The following PCCB variants were observed in gnomAD, a reference collection of about 807,000 sequenced individuals.
The protein encoded by PCCB is propionyl-CoA carboxylase subunit beta.
PCCB carries 43 observed loss-of-function variants against 60.7 expected under a neutral mutation model. The observed-to-expected ratio is 0.71, with a 90% CI of 0.55 to 0.91. The LOEUF (loss-of-function observed/expected upper bound fraction) is 0.91. Ranked by LOEUF, PCCB falls within the 40% of genes least tolerant of loss-of-function variation. The probability of loss-of-function intolerance (pLI) is 0.00; values close to 1 mark genes in which losing one functional copy is unlikely to be tolerated. For missense variants in PCCB, 766 were observed against 702.8 expected (o/e 1.09, Z -1.02); for synonymous variants, 276 against 255.9 (o/e 1.08, Z -0.75).
At position 136,250,370 on chromosome 3, in the gene PCCB, GC is replaced by G; in HGVS notation, c.-5del. The stretch of plus-strand genomic sequence containing the variant: ...CGCCGGTAGGGGACGCGCCGGCACA[GC>G]AAAAATGGCGGCGGCATTACGGGTG... On this transcript the variant is annotated 5_prime_UTR_variant, in exon 1 of 15. Transcript: ENST00000251654. 6.6e-7 allele frequency: 1 copy of G among 1,521,108 alleles called. No individual in the cohort carries two copies. Among genetic ancestry groups the G allele is most frequent in the Non-Finnish European group, 8.8e-7 (1 of 1,130,232 alleles). 94.2% of individuals were successfully genotyped at this position (1,521,108 alleles called of 1,614,324 possible).
At chr3:136,327,433 G>A (rs1485542317) in intron 12 of PCCB, among the ~76,000 whole-genome samples, 178 bp downstream of exon 12, 1 of 152,220 alleles carries the variant, frequency 6.6e-6, no homozygotes, top group South Asian at 2.1e-4. Context: ...TTTAACACAG[G>A]GGAACTGAAG....
chr3:136,326,957 A>C (rs1935336415), intron 11 of PCCB, 47 bp downstream of exon 11: 2 of 1,293,014 alleles, frequency 1.5e-6, no homozygotes, highest in Non-Finnish European at 2.3e-6. Flanking sequence ...CTTTCCCAGT[A>C]AGGTGCCCAC....
intron 10 of PCCB, among the ~76,000 whole-genome samples, chr3:136,317,891 A>G (rs1283886634): frequency 6.6e-6 from 1 of 151,982 alleles, no homozygotes; most frequent in Non-Finnish European, 1.5e-5. Context: ...TCTGGGAGGG[A>G]TTGGGAGTGC....
chr3:136,308,009 T>TA (rs1934510366), intron 9 of PCCB, among the ~76,000 whole-genome samples: 2 of 151,202 alleles, frequency 1.3e-5, no homozygotes, highest in Admixed American at 1.3e-4. Context: ...AATATGATAG[T>TA]AAAAAAGTGT....
At chr3:136,274,826 T>G (rs1942299150) in intron 5 of PCCB, among the ~76,000 whole-genome samples, 1 of 149,160 alleles carries the variant, frequency 6.7e-6, no homozygotes, top group African/African-American at 2.4e-5. Flanking sequence ...TCTTCTTTCT[T>G]TTTTTTTTTT....
At chr3:136,290,250 G>A (rs925016054) in intron 6 of PCCB, among the ~76,000 whole-genome samples, 5 of 152,220 alleles carry the variant, frequency 3.3e-5, no homozygotes, top group African/African-American at 1.2e-4. Flanking sequence ...TGTTTGAGAA[G>A]GTCTGTATTT....
At chr3:136,254,518 CTTTTTTTT>C (rs3994953) in intron 1 of PCCB, among the ~76,000 whole-genome samples, 8 of 45,930 alleles carry the variant, frequency 1.7e-4, no homozygotes, top group East Asian at 1.1e-3. Flanking sequence ...CTGCGGCTAG[CTTTTTTTT>C]TTTTTTTTTT....
At chr3:136,279,156 C>T (rs181245776) in intron 5 of PCCB, among the ~76,000 whole-genome samples, 29 of 152,142 alleles carry the variant, frequency 1.9e-4, no homozygotes, top group Middle Eastern at 3.4e-3. Context: ...TTTTTCCATC[C>T]TTTAGTTTAC....
intron 1 of PCCB, among the ~76,000 whole-genome samples, chr3:136,254,518 C>CCT (rs1442788791): frequency 1.4e-3 from 65 of 45,932 alleles, no homozygotes; most frequent in South Asian, 2.5e-3. Context: ...CTGCGGCTAG[C>CCT]TTTTTTTTTT....
At position 136,298,084 on chromosome 3, in the gene PCCB, G is replaced by T; in HGVS notation, c.884+12G>T. 1 of 1,614,058 alleles carries T rather than the reference G, an allele frequency of 6.2e-7. No homozygotes were observed. Among genetic ancestry groups the T allele is most frequent in the East Asian group, 2.2e-5 (1 of 44,876 alleles). Reference sequence around the variant, plus strand: ...TGCCACGATCCCAGGTGGGTTGTAGGCCGGTGCACCTTCTCTCATTTTGCA... The same window carrying T: ...TGCCACGATCCCAGGTGGGTTGTAGTCCGGTGCACCTTCTCTCATTTTGCA... On this transcript the variant is annotated intron_variant, in intron 8 of 14. Coordinates refer to ENST00000251654, the MANE Select transcript of PCCB (RefSeq NM_000532.5).
chr3:136,281,729 T>C (rs1188851991), intron 5 of PCCB, among the ~76,000 whole-genome samples: 1 of 152,194 alleles, frequency 6.6e-6, no homozygotes, highest in East Asian at 1.9e-4. Flanking sequence ...GAATATTATG[T>C]TTGGAAGTTT....
intron 1 of PCCB, among the ~76,000 whole-genome samples, chr3:136,251,749 C>G (rs966994161): frequency 6.6e-6 from 1 of 152,122 alleles, no homozygotes; most frequent in Admixed American, 6.5e-5. Context: ...TCAATTCTTC[C>G]CTGGAACATC....
rs757856928 is a variant in PCCB, at chr3:136,250,355, G to A, written c.-21G>A. 1 of 1,495,084 alleles carries A rather than the reference G, an allele frequency of 6.7e-7. No homozygotes were observed. The highest frequency in any genetic ancestry group is 1.3e-5 in the South Asian group (1 of 75,164). The allele number at this position is 1,495,084 out of a possible 1,614,324, so 92.6% of individuals were successfully genotyped here. ...ATGCGTACTCAGGTGCGCCGGTAGG[G>A]GACGCGCCGGCACAGCAAAAATGGC... On this transcript the variant is annotated 5_prime_UTR_variant, in exon 1 of 15. Transcript: ENST00000251654.
At chr3:136,300,994 C>T (rs1934251827) in intron 8 of PCCB, 36 bp from the exon 9 acceptor site, 1 of 1,526,950 alleles carries the variant, frequency 6.5e-7, no homozygotes, top group Admixed American at 1.7e-5. Flanking sequence ...CTGGCTCTTC[C>T]TATGTTGACT....
intron 6 of PCCB, among the ~76,000 whole-genome samples, chr3:136,285,328 G>C (rs1318383183): frequency 6.6e-6 from 1 of 151,940 alleles, no homozygotes; most frequent in Non-Finnish European, 1.5e-5. Flanking sequence ...CCCTTCTTCA[G>C]GACCCTTATA....
chr3:136,298,279 T>C (rs936359562), intron 8 of PCCB, among the ~76,000 whole-genome samples: 3 of 152,230 alleles, frequency 2.0e-5, no homozygotes, highest in African/African-American at 7.2e-5. Flanking sequence ...TAATATCTAA[T>C]GTATATCTTG....
chr3:136,257,475 C>T (rs1941703553), intron 3 of PCCB, among the ~76,000 whole-genome samples: 1 of 152,188 alleles, frequency 6.6e-6, no homozygotes, highest in Non-Finnish European at 1.5e-5. Context: ...TAAGATAATA[C>T]ATTTGTGTTG....
Position 136,250,437 on chromosome 3 carries a change from T to G in PCCB, c.62T>G (p.Leu21Arg). ...AGGCTCAGCGTTCTGGCGAGCGGTC[T>G]CCGCGCCGCGGTCCGCAGCCTTTGC... ...GARLSVLASG[L>R]RAAVRSLCSQ... The change falls in exon 1 of 15, where the codon CTC becomes CGC. Residue 21 changes from leucine to arginine, a missense_variant. Transcript: ENST00000251654. 1 of 1,597,736 alleles carries G rather than the reference T, an allele frequency of 6.3e-7. No homozygotes were observed. The highest frequency in any genetic ancestry group is 1.1e-5 in the South Asian group (1 of 88,984).
At chr3:136,307,419 G>A (rs527692237) in intron 9 of PCCB, among the ~76,000 whole-genome samples, 1 of 151,956 alleles carries the variant, frequency 6.6e-6, no homozygotes, top group East Asian at 1.9e-4. Context: ...GGAGAAGAGA[G>A]GGGAAGAATA....
Sources: allele counts gnomAD v4.1 joint callset (sites outside exome capture counted in the v4.1 genomes callset), GRCh38; gene constraint gnomAD v4.1.1; transcripts MANE v1.5; gene names NCBI Gene and HGNC (gene_info 2026-07-23, HGNC 2026-07-21).